Variants in PTPRE observed in about 807,000 individuals in gnomAD.
PTPRE encodes protein tyrosine phosphatase receptor type E, also known as receptor-type tyrosine-protein phosphatase epsilon.
Under a neutral mutation model 102.0 loss-of-function variants are expected in PTPRE, and 51 were observed. The ratio of observed to expected loss-of-function variants is 0.50; its 90% confidence interval spans 0.40 to 0.63. PTPRE has a LOEUF of 0.63. PTPRE is among the 30% of genes least tolerant of loss of function. The pLI is 0.00. For synonymous variants in PTPRE, 345 were observed against 348.2 expected (o/e 0.99, Z 0.10); for missense variants, 752 against 915.1 (o/e 0.82, Z 2.30).
chr10:128,070,371 C>G lies in PTPRE; in HGVS notation c.1214C>G (p.Ser405Cys), dbSNP rs749025674. ...TACGGGGACACAGAGCTGGACGTGT[C>G]CTCCCTGGAGAAGCACCTGCAGACC... The part of the protein sequence containing the change: ...YLYGDTELDV[S>C]SLEKHLQTMH... The change falls in exon 14 of 21, where the codon TCC becomes TGC. Residue 405 changes from serine (S) to cysteine (C), a missense_variant. Around this residue, in one of 2 missense-constraint regions of PTPRE, gnomAD observed 636 missense variants for 824.4 expected, o/e 0.77. Transcript: ENST00000254667. The surrounding 1 kb of genome is among the most constrained non-coding windows in gnomAD (Gnocchi z 4.8). The G allele has an allele frequency of 1.2e-6, 2 of 1,614,172 alleles. No individual in the cohort carries two copies. The highest frequency in any genetic ancestry group is 2.2e-5 in the South Asian group (2 of 91,088).
At chr10:127,959,384 C>A (rs548097513) in intron 1 of PTPRE, among the ~76,000 whole-genome samples, 2 of 152,292 alleles carry the variant, frequency 1.3e-5, no homozygotes, top group South Asian at 2.1e-4. Flanking sequence ...ACCCATTTAC[C>A]AGAAATAAGT....
rs1039205521 is a variant in PTPRE at position 128,008,201 on chromosome 10, C to G, written c.-8+25905C>G. Among the ~76,000 whole-genome samples the G allele has an allele frequency of 8.5e-5, 13 of 152,108 alleles. No individual in the cohort carries two copies. Among genetic ancestry groups the G allele is most frequent in the Non-Finnish European group, 2.9e-5 (2 of 68,010 alleles). ...GTGCATCCACCATCTCTGTCTGCAG[C>G]CCCGCTGGCTCGTCCGCCCTCGCCT... On this transcript the variant is annotated intron_variant, in intron 2 of 20. Transcript: ENST00000254667. This position sits in a 1 kb window ranked among gnomAD's most constrained non-coding sequence, Gnocchi z 4.0.
Position 127,982,277 on chromosome 10 carries a change from A to G in PTPRE, c.-27A>G. 1 of 1,270,172 alleles carries G rather than the reference A, an allele frequency of 7.9e-7. No homozygotes were observed. The highest frequency in any genetic ancestry group is 1.0e-6 in the Non-Finnish European group (1 of 975,314). 78.7% of individuals were successfully genotyped at this position (1,270,172 alleles called of 1,614,324 possible). On this transcript the variant is annotated 5_prime_UTR_variant, in exon 2 of 21. Transcript: ENST00000254667. ...TTTTTTCTTCTTTCTTCTTCAGACT[A>G]TAGCCTTCACTTTCCCTCGGTGAGT...
intron 2 of PTPRE, among the ~76,000 whole-genome samples, chr10:128,002,034 A>T (rs1564869526): frequency 6.6e-6 from 1 of 152,026 alleles, no homozygotes; most frequent in African/African-American, 2.4e-5. Flanking sequence ...CTCTGCTCGT[A>T]CTTGGTAGAG....
At chr10:127,961,608 G>A (rs1179784310) in intron 1 of PTPRE, among the ~76,000 whole-genome samples, 1 of 151,790 alleles carries the variant, frequency 6.6e-6, no homozygotes, top group Admixed American at 6.6e-5. Context: ...TTAGACTGCT[G>A]GGTGACACCT....
At position 128,056,502 on chromosome 10, in the gene PTPRE, A is replaced by G. The variant is rs1848974565; in HGVS notation, c.511+289A>G. ...CGGGTAAGGGTGCTGCTTCGTGGCCATGGGTGCCAGCTGGCAGGGCCCCTC... is the reference window on the plus strand; with the variant it reads ...CGGGTAAGGGTGCTGCTTCGTGGCCGTGGGTGCCAGCTGGCAGGGCCCCTC... On this transcript the variant is annotated intron_variant, in intron 7 of 20. Coordinates refer to ENST00000254667, the MANE Select transcript of PTPRE (RefSeq NM_006504.6). 5.3e-5 allele frequency among the ~76,000 whole-genome samples: 8 copies of G among 152,130 alleles called. No individual in the cohort carries two copies. The South Asian group carries it at 1.7e-3, about 31-fold the overall frequency.
intron 1 of PTPRE, among the ~76,000 whole-genome samples, chr10:127,958,675 CT>C (rs1449462775): frequency 1.3e-5 from 2 of 151,752 alleles, no homozygotes. Context: ...CTTGGAATGC[CT>C]TTGGTTTTGG....
chr10:127,957,501 T>C (rs1228037016), intron 1 of PTPRE, among the ~76,000 whole-genome samples: 1 of 152,216 alleles, frequency 6.6e-6, no homozygotes, highest in Non-Finnish European at 1.5e-5. Context: ...TTAATCTGTA[T>C]ACCTTTTATT....
chr10:127,978,266 T>C (rs1316805751), intron 1 of PTPRE, among the ~76,000 whole-genome samples: 1 of 150,608 alleles, frequency 6.6e-6, no homozygotes, highest in Non-Finnish European at 1.5e-5. Context: ...AGCCTGGGTA[T>C]AGTGGCTCAC....
chr10:128,032,801 T>C (rs1424047654), intron 2 of PTPRE, among the ~76,000 whole-genome samples: 1 of 152,234 alleles, frequency 6.6e-6, no homozygotes, highest in Non-Finnish European at 1.5e-5. Flanking sequence ...TCAGTACAAC[T>C]TGTAAAAAAC....
intron 6 of PTPRE, among the ~76,000 whole-genome samples, chr10:128,052,352 T>G (rs1848626317): frequency 6.6e-6 from 1 of 152,138 alleles, no homozygotes; most frequent in African/African-American, 2.4e-5. Flanking sequence ...GCAGGCAAAC[T>G]TGGTGGGGAT....
At position 128,076,719 on chromosome 10, in the gene PTPRE, T is replaced by G. The variant is rs756784256; in HGVS notation, c.1716T>G (p.Thr572=). Residue 572 remains threonine, a synonymous_variant, in exon 18 of 21, where the codon ACT becomes ACG. Coordinates refer to ENST00000254667, the MANE Select transcript of PTPRE (RefSeq NM_006504.6). Reference sequence around the variant, plus strand: ...TCAGTATACGAGACTTTCTGGTCACTCTCAATCAGGTATTGTTGAAGTAGC... The same window carrying G: ...TCAGTATACGAGACTTTCTGGTCACGCTCAATCAGGTATTGTTGAAGTAGC... ...EAISIRDFLV[T]LNQPQARQEE... The G allele has an allele frequency of 1.9e-6, 3 of 1,611,538 alleles. No individual in the cohort carries two copies. The Admixed American group carries it at 5.1e-5, about 27-fold the overall frequency.
intron 1 of PTPRE, among the ~76,000 whole-genome samples, chr10:127,957,375 A>T (rs914786289): frequency 6.6e-6 from 1 of 152,210 alleles, no homozygotes. Flanking sequence ...TGTTAAACAT[A>T]GTTGACCATA....
rs986857849 is a variant in PTPRE at position 128,008,629 on chromosome 10, G to T, written c.-8+26333G>T. Among the ~76,000 whole-genome samples, 1 of 152,160 alleles carries T rather than the reference G, an allele frequency of 6.6e-6. No homozygotes were observed. Among genetic ancestry groups the T allele is most frequent in the East Asian group, 1.9e-4 (1 of 5,182 alleles). ...TATGGGAAGGAGCCCGACACACCTG[G>T]TCTTTCTCAACTCCTGCAAGTCACG... is the stretch of plus-strand genomic sequence containing the variant. On this transcript the variant is annotated intron_variant, in intron 2 of 20. Transcript: ENST00000254667. The surrounding 1 kb of genome is among the most constrained non-coding windows in gnomAD (Gnocchi z 4.0).
chr10:128,065,237 C>T (rs1440415485), intron 10 of PTPRE, among the ~76,000 whole-genome samples: 1 of 152,212 alleles, frequency 6.6e-6, no homozygotes, highest in East Asian at 1.9e-4. Flanking sequence ...ATCCTGGAGG[C>T]TTGACCACGA....
intron 1 of PTPRE, among the ~76,000 whole-genome samples, chr10:127,908,532 G>C (rs1320558002): frequency 6.6e-6 from 1 of 152,178 alleles, no homozygotes; most frequent in African/African-American, 2.4e-5. Context: ...TGGGGCAAGC[G>C]TCTGACCACC....
chr10:127,998,781 A>T (rs926203798), intron 2 of PTPRE: 2 of 152,148 alleles, frequency 1.3e-5, no homozygotes, highest in African/African-American at 4.8e-5. Flanking sequence ...GCACTTCTTT[A>T]TGAAGTCGCC....
intron 1 of PTPRE, among the ~76,000 whole-genome samples, chr10:127,931,586 C>T (rs963847605): frequency 3.3e-5 from 5 of 152,196 alleles, no homozygotes; most frequent in Non-Finnish European, 5.9e-5. Context: ...TGCCCCCTTC[C>T]CAGGAGCAGC....
At chr10:127,978,710 G>A (rs550328263) in intron 1 of PTPRE, among the ~76,000 whole-genome samples, 1 of 152,290 alleles carries the variant, frequency 6.6e-6, no homozygotes, top group South Asian at 2.1e-4. Context: ...CCAAGCCTCA[G>A]TGTCCTCATC....
Sources: allele counts gnomAD v4.1 joint callset (sites outside exome capture counted in the v4.1 genomes callset), GRCh38; gene constraint gnomAD v4.1.1; regional missense constraint gnomAD v4.1.1; non-coding constraint Gnocchi (gnomAD v3.1); transcripts MANE v1.5; gene names NCBI Gene and HGNC (gene_info 2026-07-23, HGNC 2026-07-21).